The following DPP6 variants were observed in gnomAD, a reference collection of about 807,000 sequenced individuals.
DPP6 encodes the protein A-type potassium channel modulatory protein DPP6.
A neutral mutation model predicts 122.6 loss-of-function variants in DPP6; 69 were observed. The observed-to-expected ratio is 0.56, with a 90% CI of 0.46 to 0.69. DPP6 has a LOEUF of 0.69. Ranked by LOEUF, DPP6 falls within the 30% of genes least tolerant of loss-of-function variation. The probability of loss-of-function intolerance (pLI) is 0.00; values close to 1 mark genes in which losing one functional copy is unlikely to be tolerated. For synonymous variants in DPP6, 418 were observed against 433.1 expected, an observed-to-expected ratio of 0.97 and a Z score of 0.43; for missense variants, 928 against 1,116.9, an observed-to-expected ratio of 0.83 and a Z score of 2.41.
Position 154,442,814 on chromosome 7 carries a change from G to C in DPP6, c.244-3400G>C, listed in dbSNP as rs1819503438. 2.0e-5 allele frequency among the ~76,000 whole-genome samples: 3 copies of C among 152,128 alleles called. No individual in the cohort carries two copies. The East Asian group carries it at 5.8e-4, about 29-fold the overall frequency. Reference sequence around the variant, plus strand: ...CTTTCTATTGTATGCCCAGAATTCAGCTACTTCCCAGCATACCCACCACTG... The same window carrying C: ...CTTTCTATTGTATGCCCAGAATTCACCTACTTCCCAGCATACCCACCACTG... On this transcript the variant is annotated intron_variant, in intron 1 of 25. Coordinates refer to ENST00000377770, the MANE Select transcript of DPP6 (RefSeq NM_130797.4).
At chr7:154,422,153 G>C (rs935064123) in intron 1 of DPP6, among the ~76,000 whole-genome samples, 1 of 152,178 alleles carries the variant, frequency 6.6e-6, no homozygotes, top group African/African-American at 2.4e-5. Flanking sequence ...ATAAATACCT[G>C]AATTCTCTCC....
chr7:154,691,382 T>C (rs964139869), intron 7 of DPP6, among the ~76,000 whole-genome samples: 1 of 152,162 alleles, frequency 6.6e-6, no homozygotes, highest in Admixed American at 6.5e-5. Context: ...GCAGAATTCA[T>C]TATCATGTTT....
chr7:153,998,259 G>A (rs997055852), intron 1 of DPP6, among the ~76,000 whole-genome samples: 9 of 152,176 alleles, frequency 5.9e-5, no homozygotes, highest in African/African-American at 2.2e-4. Context: ...TTAACAAAAT[G>A]TGCCAGAACT....
intron 1 of DPP6, among the ~76,000 whole-genome samples, chr7:154,364,720 T>C (rs2151104955): frequency 6.6e-6 from 1 of 152,316 alleles, no homozygotes; most frequent in Admixed American, 6.5e-5. Flanking sequence ...TAGAACCAAA[T>C]ACCTCTCTCA....
intron 7 of DPP6, among the ~76,000 whole-genome samples, chr7:154,699,773 T>C (rs11243313): frequency 0.062 from 9,423 of 152,300 alleles, 722 homozygotes; most frequent in East Asian, 0.23. Context: ...TCAGGCTGCC[T>C]AGTTCTGCCC....
At chr7:154,044,303 T>C (rs1206833975) in intron 1 of DPP6, among the ~76,000 whole-genome samples, 1 of 152,218 alleles carries the variant, frequency 6.6e-6, no homozygotes, top group Non-Finnish European at 1.5e-5. Flanking sequence ...GGTATAGTGG[T>C]GCTGATAAAG....
intron 21 of DPP6, chr7:154,884,669 AC>A (rs1563325951): frequency 2.0e-5 from 3 of 150,604 alleles, no homozygotes; most frequent in Non-Finnish European, 4.4e-5. Context: ...TCACACACAC[AC>A]ATGCTCACAC....
chr7:154,175,788 CGG>C (rs2150737125), intron 1 of DPP6, among the ~76,000 whole-genome samples: 1 of 149,356 alleles, frequency 6.7e-6, no homozygotes, highest in Admixed American at 6.7e-5. Flanking sequence ...GGCACGATCT[CGG>C]CTCACTACAA....
chr7:154,600,684 TCTA>T (rs1357231862), intron 5 of DPP6, among the ~76,000 whole-genome samples: 2 of 121,560 alleles, frequency 1.6e-5, no homozygotes, highest in Non-Finnish European at 3.7e-5. Flanking sequence ...GAAACTCAGA[TCTA>T]CTAATTTTCA....
At chr7:154,587,851 C>T (rs780628547) in intron 5 of DPP6, 19 of 1,612,718 alleles carry the variant, frequency 1.2e-5, no homozygotes, top group Non-Finnish European at 1.6e-5. Flanking sequence ...TTGCCATGTA[C>T]AAGGGGGACC....
In DPP6 at chr7:154,543,894, C is replaced by T. The variant is rs1367965040; in HGVS notation, c.552+3268C>T. ...CTGTAATCCCACCTACTTGGGAAGC[C>T]GAGGCAAGAGAAACGCTTGAACCTG... On this transcript the variant is annotated intron_variant, in intron 4 of 25. Transcript: ENST00000377770. Among the ~76,000 whole-genome samples the T allele has an allele frequency of 6.8e-5, 10 of 147,948 alleles. No homozygotes were observed. The East Asian group carries it at 1.8e-3, about 26-fold the overall frequency.
intron 1 of DPP6, among the ~76,000 whole-genome samples, chr7:154,072,664 T>C (rs1251244606): frequency 1.3e-5 from 2 of 152,300 alleles, no homozygotes; most frequent in Non-Finnish European, 2.9e-5. Flanking sequence ...GTGGTGTTTT[T>C]CATTGCACAC....
At position 153,919,176 on chromosome 7, in the gene DPP6, A is replaced by G. The variant is rs192858695; in HGVS notation, c.51+31442A>G. 2.6e-5 allele frequency among the ~76,000 whole-genome samples: 4 copies of G among 152,194 alleles called. 1 individual carries two copies. In the East Asian group the frequency reaches 7.7e-4, roughly 29 times the overall value. ...TTGAACTGTTTGTAATTGGTGAGAA[A>G]GCAGTGAGCCCAGCAGATGGAGAAT... On this transcript the variant is annotated intron_variant, in intron 1 of 25. Coordinates refer to the DPP6 transcript ENST00000404039.
At chr7:154,431,279 G>A (rs1818341073) in intron 1 of DPP6, among the ~76,000 whole-genome samples, 1 of 152,002 alleles carries the variant, frequency 6.6e-6, no homozygotes, top group Non-Finnish European at 1.5e-5. Context: ...GGCTGCTCCA[G>A]CAAGCCTAGA....
chr7:154,267,950 T>C (rs1336593028), intron 1 of DPP6, among the ~76,000 whole-genome samples: 1 of 149,200 alleles, frequency 6.7e-6, no homozygotes, highest in Admixed American at 6.7e-5. Context: ...ATTTATCCCT[T>C]ATAAACACAT....
intron 1 of DPP6, among the ~76,000 whole-genome samples, chr7:154,191,443 T>C (rs753841350): frequency 2.0e-5 from 3 of 152,196 alleles, no homozygotes; most frequent in Non-Finnish European, 4.4e-5. Context: ...GAGAAATAAA[T>C]GAGATCATAA....
intron 7 of DPP6, 49 bp from the exon 8 acceptor site, chr7:154,727,718 A>T: frequency 6.5e-7 from 1 of 1,545,968 alleles, no homozygotes; most frequent in Non-Finnish European, 8.7e-7. Context: ...CAGCCTATTT[A>T]TAACCACTTC....
intron 6 of DPP6, among the ~76,000 whole-genome samples, chr7:154,639,549 T>C (rs1022143096): frequency 6.6e-6 from 1 of 152,230 alleles, no homozygotes; most frequent in East Asian, 1.9e-4. Context: ...AAGCAGTTGA[T>C]GCCTAACGTA....
intron 1 of DPP6, among the ~76,000 whole-genome samples, chr7:154,237,565 C>G (rs1256739106): frequency 6.6e-6 from 1 of 152,136 alleles, no homozygotes; most frequent in Non-Finnish European, 1.5e-5. Flanking sequence ...ATTCACTGTC[C>G]CACCTTCCCT....
Sources: gnomAD v4.1 joint callset for allele counts (sites outside exome capture counted in the v4.1 genomes callset) on GRCh38, gnomAD v4.1.1 for gene constraint, MANE v1.5 for transcripts, NCBI Gene and HGNC (gene_info 2026-07-23, HGNC 2026-07-21) for gene names.